Variants in PTPRK observed in about 807,000 individuals in gnomAD.
PTPRK encodes the protein protein tyrosine phosphatase receptor type K, also known as receptor-type tyrosine-protein phosphatase kappa.
Under a neutral mutation model 178.0 loss-of-function variants are expected in PTPRK, and 75 were observed. That is an observed-to-expected ratio of 0.42 (90% CI 0.35 to 0.51). The LOEUF (loss-of-function observed/expected upper bound fraction) is 0.51, where lower values mean the gene tolerates loss of function less well. Ranked by LOEUF, PTPRK falls within the 20% of genes least tolerant of loss-of-function variation. The probability of loss-of-function intolerance (pLI) is 0.02; values close to 1 mark genes in which losing one functional copy is unlikely to be tolerated. For synonymous variants in PTPRK, 637 were observed against 620.6 expected (o/e 1.03, Z -0.39); for missense variants, 1,441 against 1,797.8 (o/e 0.80, Z 3.59).
At position 128,000,308 on chromosome 6, in the gene PTPRK, C is replaced by T. The variant is rs757065122; in HGVS notation, c.2495-1404G>A. 51 of 1,298,180 alleles carry T rather than the reference C, an allele frequency of 3.9e-5. No individual in the cohort carries two copies. The Middle Eastern group carries it at 6.6e-4, about 17-fold the overall frequency. 80.4% of individuals were successfully genotyped at this position (1,298,180 alleles called of 1,614,324 possible). A position where few individuals can be genotyped will look rare whatever the true frequency, so the allele number is the denominator to read the frequency against. On this transcript the variant is annotated intron_variant, in intron 15 of 29. Transcript: ENST00000368226. ...ATATAGCAAAAAATGAATTGTTGTC[C>T]CCATGATAAACATTTTTTCTTCCTG...
At chr6:128,248,664 G>A (rs1219521277) in intron 3 of PTPRK, among the ~76,000 whole-genome samples, 20 of 151,998 alleles carry the variant, frequency 1.3e-4, no homozygotes, top group Admixed American at 9.8e-4. Context: ...AAGAAAGAGC[G>A]GTCTGTATGA....
At chr6:128,039,983 G>A (rs1021320981) in intron 13 of PTPRK, among the ~76,000 whole-genome samples, 7 of 152,144 alleles carry the variant, frequency 4.6e-5, no homozygotes, top group African/African-American at 1.7e-4. Flanking sequence ...CCATGATGAT[G>A]TGAATTCTAA....
At position 128,368,918 on chromosome 6, in the gene PTPRK, A is replaced by T. The variant is rs190753600; in HGVS notation, c.223+28648T>A. On this transcript the variant is annotated intron_variant, in intron 2 of 29. Transcript: ENST00000368226. ...AAGAATAAAACTCTTCACTCTATTTAAAAAAACAAAACAAAACAAAAAACA... is the reference window on the plus strand; with the variant it reads ...AAGAATAAAACTCTTCACTCTATTTTAAAAAACAAAACAAAACAAAAAACA... Among the ~76,000 whole-genome samples the T allele has an allele frequency of 1.1e-3, 164 of 151,270 alleles. 1 individual carries two copies. The highest frequency in any genetic ancestry group is 3.8e-3 in the African/African-American group (158 of 41,372).
At chr6:128,492,109 C>A (rs151080393) in intron 1 of PTPRK, among the ~76,000 whole-genome samples, 21 of 152,220 alleles carry the variant, frequency 1.4e-4, no homozygotes, top group African/African-American at 5.1e-4. Context: ...GATCTAGTCC[C>A]AACAAATTGC....
intron 1 of PTPRK, among the ~76,000 whole-genome samples, chr6:128,488,641 T>A (rs942192850): frequency 6.6e-6 from 1 of 152,200 alleles, no homozygotes; most frequent in African/African-American, 2.4e-5. Context: ...GCTGGATAAT[T>A]ACATTCCAAA....
intron 3 of PTPRK, among the ~76,000 whole-genome samples, chr6:128,268,605 T>C (rs917113879): frequency 5.9e-5 from 9 of 152,166 alleles, no homozygotes; most frequent in African/African-American, 2.2e-4. Flanking sequence ...AAAGTCATTA[T>C]TCTGTAATAA....
chr6:128,019,753 T>C (rs142210025), intron 13 of PTPRK, among the ~76,000 whole-genome samples: 1,575 of 152,206 alleles, frequency 0.01, 4 homozygotes, highest in Middle Eastern at 0.021. Flanking sequence ...TAGTAAACAA[T>C]AGACAAGTAA....
intron 7 of PTPRK, among the ~76,000 whole-genome samples, chr6:128,124,877 C>G (rs1793086071): frequency 2.0e-5 from 3 of 152,186 alleles, no homozygotes; most frequent in Admixed American, 2.0e-4. Context: ...AACACTGGCT[C>G]CTCCATGAGT....
intron 2 of PTPRK, among the ~76,000 whole-genome samples, chr6:128,357,432 G>GA (rs1834107423): frequency 6.6e-6 from 1 of 152,152 alleles, no homozygotes; most frequent in Non-Finnish European, 1.5e-5. Flanking sequence ...CATCATGTAG[G>GA]AAATAGTCAC....
At chr6:128,144,147 G>A (rs1419532351) in intron 7 of PTPRK, among the ~76,000 whole-genome samples, 7 of 151,852 alleles carry the variant, frequency 4.6e-5, no homozygotes, top group Non-Finnish European at 1.5e-5. Context: ...ACTCACCCAG[G>A]TGGCCCTCTT....
chr6:128,172,612 GAT>G (rs775327554), intron 7 of PTPRK, among the ~76,000 whole-genome samples: 85 of 149,708 alleles, frequency 5.7e-4, no homozygotes, highest in Admixed American at 1.5e-3. Context: ...CTGATATGTA[GAT>G]ATATATATAT....
At chr6:128,217,628 A>G (rs145205677) in intron 6 of PTPRK, among the ~76,000 whole-genome samples, 1 of 152,312 alleles carries the variant, frequency 6.6e-6, no homozygotes, top group African/African-American at 2.4e-5. Context: ...TATGTAAAAG[A>G]TATTTGATGC....
At position 127,970,214 on chromosome 6, in the gene PTPRK, G is replaced by C; in HGVS notation, c.*13C>G. On this transcript the variant is annotated 3_prime_UTR_variant, in exon 30 of 30. Transcript: ENST00000368226. The stretch of plus-strand genomic sequence containing the variant: ...GGTTTCTTCATGGATGCACTTTAAA[G>C]AGTCTCACCCAACTAAGATGATTCC... The C allele has an allele frequency of 1.3e-6, 2 of 1,597,542 alleles. No homozygotes were observed. The highest frequency in any genetic ancestry group is 1.7e-6 in the Non-Finnish European group (2 of 1,168,004).
chr6:128,074,468 C>T (rs773811390), intron 11 of PTPRK, among the ~76,000 whole-genome samples: 33 of 151,858 alleles, frequency 2.2e-4, no homozygotes, highest in Non-Finnish European at 4.1e-4. Context: ...AGTTTTAATT[C>T]ATTTACGAAG....
At chr6:128,154,454 T>A (rs1299945431) in intron 7 of PTPRK, among the ~76,000 whole-genome samples, 2 of 151,778 alleles carry the variant, frequency 1.3e-5, no homozygotes, top group East Asian at 3.9e-4. Flanking sequence ...GGTTTAATGA[T>A]GGTAAACTAC....
At chr6:128,239,965 A>G in intron 5 of PTPRK, 70 bp downstream of exon 5, 1 of 1,214,894 alleles carries the variant, frequency 8.2e-7, no homozygotes, top group Non-Finnish European at 1.2e-6. Context: ...ATGAGACAAC[A>G]AACAGTCCTG....
chr6:128,300,711 G>A (rs1382623473), intron 3 of PTPRK, among the ~76,000 whole-genome samples: 12 of 136,610 alleles, frequency 8.8e-5, no homozygotes, highest in African/African-American at 3.0e-4. Flanking sequence ...GGACTGTTGT[G>A]GGGTGGGGGG....
intron 6 of PTPRK, among the ~76,000 whole-genome samples, chr6:128,194,894 C>T (rs977988227): frequency 5.3e-5 from 8 of 152,024 alleles, no homozygotes; most frequent in Admixed American, 4.6e-4. Context: ...ACACTATCCA[C>T]ATTCATTTCA....
chr6:128,489,324 A>G lies in PTPRK; in HGVS notation c.100+30935T>C, dbSNP rs1236919353. ...GGAAAAAAACTGCATAAATTGTTCC[A>G]AAGGCAGTTTATGTTTATTTTCACA... On this transcript the variant is annotated intron_variant, in intron 1 of 29. Coordinates refer to ENST00000368226, the MANE Select transcript of PTPRK (RefSeq NM_002844.4). Among the ~76,000 whole-genome samples, 4 of 152,348 alleles carry G rather than the reference A, an allele frequency of 2.6e-5. No homozygotes were observed. In the East Asian group the frequency reaches 7.7e-4, roughly 29 times the overall value.
Sources: gnomAD v4.1 joint callset for allele counts (sites outside exome capture counted in the v4.1 genomes callset) on GRCh38, gnomAD v4.1.1 for gene constraint, MANE v1.5 for transcripts, NCBI Gene and HGNC (gene_info 2026-07-23, HGNC 2026-07-21) for gene names.